Variants in CLYBL observed in about 807,000 individuals in gnomAD.
CLYBL encodes the protein citramalyl-CoA lyase, mitochondrial.
A neutral mutation model predicts 38.9 loss-of-function variants in CLYBL; 31 were observed. The observed-to-expected ratio is 0.80, with a 90% CI of 0.60 to 1.08. The LOEUF (loss-of-function observed/expected upper bound fraction) is 1.08. CLYBL is among the 50% of genes least tolerant of loss of function. The probability of loss-of-function intolerance (pLI) is 0.00; values close to 1 mark genes in which losing one functional copy is unlikely to be tolerated. For synonymous variants in CLYBL, 171 were observed against 158.6 expected (o/e 1.08, Z -0.59); for missense variants, 434 against 411.6 (o/e 1.05, Z -0.47).
chr13:99,735,735 G>A (rs2048655734), intron 1 of CLYBL, among the ~76,000 whole-genome samples: 1 of 152,086 alleles, frequency 6.6e-6, no homozygotes, highest in Admixed American at 6.6e-5. Context: ...CTGTCCAAAG[G>A]ATTAAGTGAG....
At chr13:99,787,680 C>T (rs900152578) in intron 2 of CLYBL, among the ~76,000 whole-genome samples, 9 of 152,088 alleles carry the variant, frequency 5.9e-5, no homozygotes, top group South Asian at 4.2e-4. Context: ...CTTGGCGATG[C>T]GGATTCTTTT....
At chr13:99,643,380 T>A (rs2047124813) in intron 1 of CLYBL, among the ~76,000 whole-genome samples, 1 of 152,234 alleles carries the variant, frequency 6.6e-6, no homozygotes, top group Non-Finnish European at 1.5e-5. Context: ...GTCTTTGTCA[T>A]CTAGGGTCTG....
intron 1 of CLYBL, among the ~76,000 whole-genome samples, chr13:99,682,175 G>A (rs894728728): frequency 6.6e-6 from 1 of 150,682 alleles, no homozygotes; most frequent in Non-Finnish European, 1.5e-5. Context: ...ACAGAGTCTC[G>A]CTCTGTCGCC....
intron 1 of CLYBL, among the ~76,000 whole-genome samples, chr13:99,772,264 C>T (rs928894287): frequency 2.6e-5 from 4 of 152,204 alleles, no homozygotes; most frequent in Non-Finnish European, 5.9e-5. Context: ...CATACACCCT[C>T]CTCTTTGTCT....
At chr13:99,868,051 C>G (rs1417097068) in intron 6 of CLYBL, among the ~76,000 whole-genome samples, 1 of 151,928 alleles carries the variant, frequency 6.6e-6, no homozygotes, top group African/African-American at 2.4e-5. Flanking sequence ...ATGGACCTGG[C>G]ACTATTGTTT....
chr13:99,847,339 G>A (rs1301228942), intron 2 of CLYBL, among the ~76,000 whole-genome samples: 1 of 152,218 alleles, frequency 6.6e-6, no homozygotes, highest in African/African-American at 2.4e-5. Flanking sequence ...TGATGACACT[G>A]TTCCCTTTTG....
chr13:99,637,791 A>G (rs1286678829), intron 1 of CLYBL, among the ~76,000 whole-genome samples: 1 of 152,028 alleles, frequency 6.6e-6, no homozygotes, highest in Non-Finnish European at 1.5e-5. Context: ...AATTCCTACA[A>G]AGTGTGAATA....
At chr13:99,852,929 A>T (rs2051367040) in intron 2 of CLYBL, among the ~76,000 whole-genome samples, 1 of 152,228 alleles carries the variant, frequency 6.6e-6, no homozygotes, top group Non-Finnish European at 1.5e-5. Flanking sequence ...TTCAAAGTAA[A>T]TTGCAGACAG....
At chr13:99,768,369 A>G (rs2049312431) in intron 1 of CLYBL, among the ~76,000 whole-genome samples, 1 of 146,040 alleles carries the variant, frequency 6.8e-6, no homozygotes, top group Non-Finnish European at 1.5e-5. Flanking sequence ...TGATTTTTGA[A>G]TTTTTAGTAG....
chr13:99,733,368 G>A (rs895694188), intron 1 of CLYBL, among the ~76,000 whole-genome samples: 1 of 152,138 alleles, frequency 6.6e-6, no homozygotes, highest in African/African-American at 2.4e-5. Context: ...GAGAGGGCTG[G>A]TAAGGCTGGA....
intron 7 of CLYBL, among the ~76,000 whole-genome samples, chr13:99,889,262 T>A (rs148084027): frequency 1.9e-4 from 29 of 152,326 alleles, no homozygotes; most frequent in African/African-American, 7.0e-4. Flanking sequence ...GTTTAAACCC[T>A]AGCAGGACAG....
chr13:99,704,400 A>C (rs1455162243), intron 1 of CLYBL, among the ~76,000 whole-genome samples: 2 of 152,182 alleles, frequency 1.3e-5, no homozygotes, highest in Admixed American at 1.3e-4. Context: ...AGAACATTTG[A>C]AGTCTAGTTC....
chr13:99,876,420 CAAAAAAAA>C (rs35512772), intron 7 of CLYBL, among the ~76,000 whole-genome samples: 184 of 70,106 alleles, frequency 2.6e-3, no homozygotes, highest in African/African-American at 7.9e-3. Flanking sequence ...GACTCCGTCT[CAAAAAAAA>C]AAAAAAAAAA....
rs144410138 is a variant in CLYBL at position 99,670,394 on chromosome 13, A to G, written c.62+63637A>G. ...AAAAAAGTAAAAATTAAATTTAAGA[A>G]GTTCTTCACCATCCAAGTTATGTTA... On this transcript the variant is annotated intron_variant, in intron 1 of 8. Transcript: ENST00000339105. Among the ~76,000 whole-genome samples, 289 of 152,268 alleles carry G rather than the reference A, an allele frequency of 1.9e-3. 2 individuals carry two copies. The highest frequency in any genetic ancestry group is 6.5e-3 in the African/African-American group (271 of 41,548).
chr13:99,732,624 A>G (rs1261439075), intron 1 of CLYBL, among the ~76,000 whole-genome samples: 1 of 152,234 alleles, frequency 6.6e-6, no homozygotes, highest in African/African-American at 2.4e-5. Context: ...ACCTGTAGCC[A>G]GTTTCTGATC....
intron 2 of CLYBL, among the ~76,000 whole-genome samples, chr13:99,857,846 G>A (rs879222844): frequency 1.3e-5 from 2 of 152,172 alleles, no homozygotes; most frequent in Admixed American, 1.3e-4. Context: ...CATCAGCAGT[G>A]AGAAGCTTTA....
chr13:99,668,598 A>AG (rs1405072634), intron 1 of CLYBL, among the ~76,000 whole-genome samples: 1 of 151,502 alleles, frequency 6.6e-6, no homozygotes, highest in Non-Finnish European at 1.5e-5. Flanking sequence ...AAAAAAAAAA[A>AG]AGAAAAAAAG....
intron 1 of CLYBL, among the ~76,000 whole-genome samples, chr13:99,758,610 AG>A (rs1162088079): frequency 6.6e-6 from 1 of 152,174 alleles, no homozygotes; most frequent in Non-Finnish European, 1.5e-5. Flanking sequence ...ACCAGCAGGA[AG>A]GGAGGAGGGA....
In CLYBL at chr13:99,760,777, A is replaced by T. The variant is rs553098880; in HGVS notation, c.63-12047A>T. Among the ~76,000 whole-genome samples the T allele has an allele frequency of 1.9e-4, 28 of 145,252 alleles. No homozygotes were observed. In the Admixed American group the frequency reaches 1.9e-3, roughly 10 times the overall value. On this transcript the variant is annotated intron_variant, in intron 1 of 8. Transcript: ENST00000339105. ...TATACATAGTTTCAGGATACATGTG[A>T]TAATTTAATACAGTCATATAATTTG...
Sources: gnomAD v4.1 joint callset for allele counts (sites outside exome capture counted in the v4.1 genomes callset) on GRCh38, gnomAD v4.1.1 for gene constraint, MANE v1.5 for transcripts, NCBI Gene and HGNC (gene_info 2026-07-23, HGNC 2026-07-21) for gene names.